Variants in TMEM177 observed in about 807,000 individuals in gnomAD.
The protein encoded by TMEM177 is transmembrane protein 177.
In TMEM177, 4 loss-of-function variants were observed where a neutral mutation model predicts 14.2. That is an observed-to-expected ratio of 0.28 (90% confidence interval 0.14 to 0.64). The LOEUF (loss-of-function observed/expected upper bound fraction) is 0.64, where lower values mean the gene tolerates loss of function less well. TMEM177 is among the 30% of genes least tolerant of loss of function. The probability of loss-of-function intolerance (pLI) is 0.82; values close to 1 mark genes in which losing one functional copy is unlikely to be tolerated. For missense variants in TMEM177, 344 were observed against 405.2 expected, an observed-to-expected ratio of 0.85 and a Z score of 1.30; for synonymous variants, 179 against 174.5, an observed-to-expected ratio of 1.03 and a Z score of -0.20.
chr2:119,684,070 TC>T (rs1251595153), downstream of TMEM177, among the ~76,000 whole-genome samples: 1 of 152,208 alleles, frequency 6.6e-6, no homozygotes, highest in Non-Finnish European at 1.5e-5. Context: ...TGGGTGACTC[TC>T]CTGCCTAAAG....
At chr2:119,697,660 C>T in the TMEM177 span, among the ~76,000 whole-genome samples, 1 of 152,174 alleles carries the variant, frequency 6.6e-6, no homozygotes, top group Non-Finnish European at 1.5e-5. Context: ...CTACTCGATT[C>T]CTCACCCCTC....
Position 119,680,941 on chromosome 2 carries a change from G to A in TMEM177, c.88G>A (p.Val30Ile). ...GGGTTCCTGTGCAGGCCTGTTTGGAGTTCCAATCTCGTACCACCTCTTCCC... is the reference window on the plus strand; with the variant it reads ...GGGTTCCTGTGCAGGCCTGTTTGGAATTCCAATCTCGTACCACCTCTTCCC... ...LVGSCAGLFGVPISYHLFPDP... is the reference protein window; with the variant it reads ...LVGSCAGLFGIPISYHLFPDP... Residue 30 changes from valine (V) to isoleucine (I), a missense_variant, in exon 2 of 2, where the codon GTT becomes ATT. By Grantham distance (29) the Val-to-Ile change is conservative (BLOSUM62 3). Coordinates refer to ENST00000272521, the MANE Select transcript of TMEM177 (RefSeq NM_030577.3). 6.2e-7 allele frequency: 1 copy of A among 1,614,214 alleles called. No homozygotes were observed.
chr2:119,686,867 C>T (rs568606638), downstream of TMEM177, among the ~76,000 whole-genome samples: 2 of 152,214 alleles, frequency 1.3e-5, no homozygotes, highest in South Asian at 4.1e-4. Context: ...TTCACCTGGC[C>T]CATACTGGTA....
At chr2:119,713,251 T>C in the TMEM177 span, among the ~76,000 whole-genome samples, 2 of 152,090 alleles carry the variant, frequency 1.3e-5, no homozygotes, top group Non-Finnish European at 2.9e-5. Flanking sequence ...GTATTTTTAG[T>C]AGAGACAGGT....
downstream of TMEM177, among the ~76,000 whole-genome samples, chr2:119,684,328 G>A (rs557654311): frequency 1.1e-3 from 168 of 152,262 alleles, no homozygotes; most frequent in African/African-American, 3.9e-3. Flanking sequence ...TCACTCACAC[G>A]TTGCTTCTCC....
At chr2:119,715,415 CAG>C in the TMEM177 span, among the ~76,000 whole-genome samples, 2 of 152,054 alleles carry the variant, frequency 1.3e-5, no homozygotes, top group Non-Finnish European at 2.9e-5. Flanking sequence ...GAGAGAGAGA[CAG>C]AGACAGACGG....
At chr2:119,679,604 C>A (rs903436640) in intron 1 of TMEM177, 2 of 152,156 alleles carry the variant, frequency 1.3e-5, no homozygotes, top group Admixed American at 1.3e-4. Context: ...GCACTTTTCA[C>A]GGACAGGAAT....
At chr2:119,695,600 C>A in the TMEM177 span, among the ~76,000 whole-genome samples, 1 of 152,164 alleles carries the variant, frequency 6.6e-6, no homozygotes. Flanking sequence ...GGGAGGCCTG[C>A]GGGCTGAGAA....
In TMEM177 at chr2:119,682,009, T is replaced by TAAAGTGG; in HGVS notation, c.*222_*228dup. On this transcript the variant is annotated 3_prime_UTR_variant, in exon 2 of 2. Transcript: ENST00000272521. ...ATCTGAGCCTTTGTTTCTTGAACTG[T>TAAAGTGG]AAAGTGGAGATGATGTAAACCGCCT... 1.8e-6 allele frequency: 1 copy of TAAAGTGG among 547,340 alleles called. No homozygotes were observed. The highest frequency in any genetic ancestry group is 3.3e-6 in the Non-Finnish European group (1 of 304,068). The allele number at this position is 547,340 out of a possible 1,614,324, so 33.9% of individuals were successfully genotyped here.
chr2:119,711,089 C>T, the TMEM177 span, among the ~76,000 whole-genome samples: 4 of 152,122 alleles, frequency 2.6e-5, no homozygotes, highest in South Asian at 2.1e-4. Context: ...GGATGAAGAC[C>T]GACCACCCCA....
At chr2:119,704,384 G>C in the TMEM177 span, among the ~76,000 whole-genome samples, 1 of 152,174 alleles carries the variant, frequency 6.6e-6, no homozygotes, top group Non-Finnish European at 1.5e-5. Context: ...TGGATCACGA[G>C]GTCAGGAGAT....
chr2:119,682,972 C>CA (rs1169934520), downstream of TMEM177, among the ~76,000 whole-genome samples: 4 of 152,212 alleles, frequency 2.6e-5, no homozygotes, highest in Non-Finnish European at 4.4e-5. Flanking sequence ...GATCCTTGGA[C>CA]AGGACCACAG....
chr2:119,696,898 G>A, the TMEM177 span, among the ~76,000 whole-genome samples: 1 of 152,192 alleles, frequency 6.6e-6, no homozygotes, highest in Non-Finnish European at 1.5e-5. Flanking sequence ...TCTTGTGAAG[G>A]ATGGACAGGA....
the TMEM177 span, among the ~76,000 whole-genome samples, chr2:119,694,127 G>A: frequency 4.8e-5 from 1 of 20,922 alleles, no homozygotes; most frequent in African/African-American, 1.8e-4. Flanking sequence ...TGCACCACAT[G>A]CCACGCACAT....
At chr2:119,687,080 A>G (rs891421503), downstream of TMEM177, among the ~76,000 whole-genome samples, 12 of 152,198 alleles carry the variant, frequency 7.9e-5, no homozygotes, top group African/African-American at 2.4e-4. Context: ...CATTGAGGGT[A>G]TATCACCTCA....
chr2:119,683,736 C>T (rs929305708), downstream of TMEM177, among the ~76,000 whole-genome samples: 3 of 152,338 alleles, frequency 2.0e-5, no homozygotes, highest in East Asian at 1.9e-4. Context: ...CCAACCTTGG[C>T]GCACACATCC....
chr2:119,692,356 A>G, the TMEM177 span, among the ~76,000 whole-genome samples: 1 of 152,244 alleles, frequency 6.6e-6, no homozygotes, highest in Admixed American at 6.5e-5. Context: ...AAAGGGCAGG[A>G]GGAAGAAAGC....
downstream of TMEM177, among the ~76,000 whole-genome samples, chr2:119,687,991 A>G (rs1306488900): frequency 4.6e-5 from 7 of 152,232 alleles, no homozygotes; most frequent in African/African-American, 1.7e-4. Flanking sequence ...AACCCCATAG[A>G]AACTGAATAC....
the TMEM177 span, among the ~76,000 whole-genome samples, chr2:119,708,692 C>T: frequency 0.52 from 78,316 of 151,520 alleles, 21,107 homozygotes; most frequent in East Asian, 0.66. Flanking sequence ...CACACACAGT[C>T]GCACTGGCAC....
Sources: gnomAD v4.1 joint callset for allele counts (sites outside exome capture counted in the v4.1 genomes callset) on GRCh38, gnomAD v4.1.1 for gene constraint, MANE v1.5 for transcripts, NCBI Gene and HGNC (gene_info 2026-07-23, HGNC 2026-07-21) for gene names.